Variants in PTPRD observed in about 807,000 individuals in gnomAD.
The protein encoded by PTPRD is protein tyrosine phosphatase receptor type D.
PTPRD carries 34 observed loss-of-function variants against 214.5 expected under a neutral mutation model. The ratio of observed to expected loss-of-function variants is 0.16; its 90% confidence interval spans 0.12 to 0.21. The LOEUF is 0.21. Among genes scored for constraint, PTPRD ranks in the 10% least tolerant of loss-of-function variants. PTPRD has a pLI of 1.00. For synonymous variants in PTPRD, 1,128 were observed against 845.7 expected (o/e 1.33, Z -5.79); for missense variants, 2,545 against 2,398.7 (o/e 1.06, Z -1.27).
intron 3 of PTPRD, among the ~76,000 whole-genome samples, chr9:10,042,472 C>T (rs1255754966): frequency 6.6e-6 from 1 of 151,866 alleles, no homozygotes; most frequent in Non-Finnish European, 1.5e-5. Context: ...TTCTGCTAGC[C>T]CTGCTCTAGG....
chr9:9,903,634 A>T (rs777186684), intron 5 of PTPRD, among the ~76,000 whole-genome samples: 16 of 152,138 alleles, frequency 1.1e-4, no homozygotes, highest in Non-Finnish European at 1.8e-4. Flanking sequence ...CAAGAAAAAT[A>T]AGATATAATT....
intron 3 of PTPRD, among the ~76,000 whole-genome samples, chr9:10,181,334 T>A (rs1221674575): frequency 2.6e-5 from 4 of 152,148 alleles, no homozygotes; most frequent in Non-Finnish European, 5.9e-5. Flanking sequence ...CTAGCGTATA[T>A]GGAATTTCAA....
intron 11 of PTPRD, among the ~76,000 whole-genome samples, chr9:8,803,475 T>C (rs1466127800): frequency 2.0e-5 from 3 of 152,196 alleles, no homozygotes; most frequent in East Asian, 1.9e-4. Context: ...TGATATCTTC[T>C]AGCATTATTA....
intron 7 of PTPRD, among the ~76,000 whole-genome samples, chr9:9,618,657 T>A (rs1350167561): frequency 3.9e-5 from 6 of 152,148 alleles, no homozygotes; most frequent in Non-Finnish European, 8.8e-5. Flanking sequence ...TACATTATCT[T>A]TGGGATGTGT....
chr9:9,012,239 T>C (rs1426502393), intron 11 of PTPRD, among the ~76,000 whole-genome samples: 1 of 152,154 alleles, frequency 6.6e-6, no homozygotes, highest in African/African-American at 2.4e-5. Context: ...CATCACCAGT[T>C]AAGCCTCCAG....
intron 3 of PTPRD, among the ~76,000 whole-genome samples, chr9:10,231,979 AGAGAGAG>A (rs2099612195): frequency 8.7e-6 from 1 of 115,040 alleles, no homozygotes; most frequent in Non-Finnish European, 1.8e-5. Context: ...AGAGAGAGAG[AGAGAGAG>A]AGAGTGTGTG....
intron 12 of PTPRD, among the ~76,000 whole-genome samples, chr9:8,675,628 G>T (rs1226047342): frequency 6.8e-6 from 1 of 146,664 alleles, no homozygotes; most frequent in African/African-American, 2.5e-5. Context: ...TCCAAGACAT[G>T]ATGAAGCCCT....
chr9:8,486,526 T>A, intron 27 of PTPRD, 177 bp from the exon 28 acceptor site: 1 of 723,556 alleles, frequency 1.4e-6, no homozygotes, highest in Non-Finnish European at 2.5e-6. Context: ...CTTGTCTTAC[T>A]TTATTAAAGT....
chr9:8,403,627 G>A (rs1199652934), intron 36 of PTPRD, among the ~76,000 whole-genome samples: 1 of 152,212 alleles, frequency 6.6e-6, no homozygotes, highest in African/African-American at 2.4e-5. Flanking sequence ...AATCCTTAAT[G>A]AAGCTGGATA....
chr9:10,491,499 C>T (rs1321867521), intron 2 of PTPRD, among the ~76,000 whole-genome samples: 1 of 151,594 alleles, frequency 6.6e-6, no homozygotes, highest in African/African-American at 2.4e-5. Context: ...GGTATAGATG[C>T]TACATCATTT....
At chr9:10,429,994 C>T (rs924562583) in intron 2 of PTPRD, among the ~76,000 whole-genome samples, 14 of 151,848 alleles carry the variant, frequency 9.2e-5, no homozygotes, top group African/African-American at 3.1e-4. Context: ...TCACCAGCTC[C>T]CTGTGTTACC....
chr9:9,617,416 T>C (rs2094941251), intron 7 of PTPRD, among the ~76,000 whole-genome samples: 1 of 152,174 alleles, frequency 6.6e-6, no homozygotes, highest in Non-Finnish European at 1.5e-5. Context: ...GAGTAAAGTA[T>C]ATAAAGTGTC....
At chr9:10,425,718 C>T (rs183368335) in intron 2 of PTPRD, among the ~76,000 whole-genome samples, 1 of 151,976 alleles carries the variant, frequency 6.6e-6, no homozygotes, top group African/African-American at 2.4e-5. Flanking sequence ...TAAAATGAGC[C>T]ACACTTCACG....
At chr9:8,666,064 C>A (rs2097164273) in intron 12 of PTPRD, among the ~76,000 whole-genome samples, 1 of 149,952 alleles carries the variant, frequency 6.7e-6, no homozygotes, top group African/African-American at 2.5e-5. Flanking sequence ...GAATGAAAAT[C>A]ACTTTATATT....
At chr9:9,896,052 C>T (rs1043822954) in intron 5 of PTPRD, among the ~76,000 whole-genome samples, 1 of 151,976 alleles carries the variant, frequency 6.6e-6, no homozygotes, top group African/African-American at 2.4e-5. Context: ...TAGGGCCCAT[C>T]CATTTGTTTA....
chr9:9,348,185 T>C (rs1181321327), intron 9 of PTPRD, among the ~76,000 whole-genome samples: 1 of 152,172 alleles, frequency 6.6e-6, no homozygotes, highest in Admixed American at 6.6e-5. Flanking sequence ...GAAGCAAGAA[T>C]GTTACCTTTT....
At chr9:9,612,686 A>T (rs1437303698) in intron 7 of PTPRD, among the ~76,000 whole-genome samples, 1 of 152,110 alleles carries the variant, frequency 6.6e-6, no homozygotes, top group Non-Finnish European at 1.5e-5. Flanking sequence ...TTGAAAAAAA[A>T]GGAATATAAG....
chr9:9,583,076 A>G (rs2091183019), intron 7 of PTPRD, among the ~76,000 whole-genome samples: 1 of 152,062 alleles, frequency 6.6e-6, no homozygotes, highest in Non-Finnish European at 1.5e-5. Context: ...TGTTGGTTGT[A>G]GTGCCTTTGA....
At chr9:9,808,584 C>T (rs559693627) in intron 5 of PTPRD, among the ~76,000 whole-genome samples, 1 of 152,250 alleles carries the variant, frequency 6.6e-6, no homozygotes, top group Admixed American at 6.5e-5. Context: ...TCGTTGTTTA[C>T]AGTGCAGTTT....
Sources: gnomAD v4.1 joint callset for allele counts (sites outside exome capture counted in the v4.1 genomes callset) on GRCh38, gnomAD v4.1.1 for gene constraint, MANE v1.5 for transcripts, NCBI Gene and HGNC (gene_info 2026-07-23, HGNC 2026-07-21) for gene names.